Variants in ARHGEF26 observed in about 807,000 individuals in gnomAD.
ARHGEF26 encodes the protein Rho guanine nucleotide exchange factor 26.
ARHGEF26 carries 59 observed loss-of-function variants against 89.4 expected under a neutral mutation model. The ratio of observed to expected loss-of-function variants is 0.66; its 90% confidence interval spans 0.54 to 0.82. ARHGEF26 has a LOEUF of 0.82. Ranked by LOEUF, ARHGEF26 falls within the 40% of genes least tolerant of loss-of-function variation. The pLI, the probability that ARHGEF26 is intolerant of heterozygous loss-of-function variation, is 0.00. For synonymous variants in ARHGEF26, 500 were observed against 428.4 expected, an observed-to-expected ratio of 1.17 and a Z score of -2.06; for missense variants, 1,234 against 1,085.6, an observed-to-expected ratio of 1.14 and a Z score of -1.92.
At chr3:154,136,313 C>T (rs567254413) in intron 4 of ARHGEF26, among the ~76,000 whole-genome samples, 2 of 141,604 alleles carry the variant, frequency 1.4e-5, no homozygotes, top group African/African-American at 5.6e-5. Flanking sequence ...AATATTTTAA[C>T]TAAAGTATTT....
Position 154,122,049 on chromosome 3 carries a change from G to C in ARHGEF26, c.57G>C (p.Arg19=). Residue 19 remains arginine, a synonymous_variant, in exon 2 of 15, where the codon CGG becomes CGC. Transcript: ENST00000465093. Reference sequence around the variant, plus strand: ...GCAACAGCATAACCCCTTTGTGGCGGAGGCGGTCGATTCCTCAGCCCCACC... The same window carrying C: ...GCAACAGCATAACCCCTTTGTGGCGCAGGCGGTCGATTCCTCAGCCCCACC... ...FSSNSITPLW[R]RRSIPQPHQV... 1 of 1,611,686 alleles carries C rather than the reference G, an allele frequency of 6.2e-7. No homozygotes were observed. The highest frequency in any genetic ancestry group is 8.5e-7 in the Non-Finnish European group (1 of 1,178,184).
intron 11 of ARHGEF26, among the ~76,000 whole-genome samples, chr3:154,227,364 C>T (rs1716557448): frequency 6.7e-6 from 1 of 148,374 alleles, no homozygotes; most frequent in Non-Finnish European, 1.5e-5. Flanking sequence ...GGCGTGATCT[C>T]GGCTCACTGC....
chr3:154,161,216 T>G (rs1711644428), intron 6 of ARHGEF26, among the ~76,000 whole-genome samples: 1 of 152,078 alleles, frequency 6.6e-6, no homozygotes, highest in Admixed American at 6.6e-5. Context: ...TCATCTTTGT[T>G]AATGGATTTA....
Position 154,187,136 on chromosome 3 carries a change from C to T in ARHGEF26, c.1488-549C>T, listed in dbSNP as rs532675185. The T allele has an allele frequency of 4.9e-5, 31 of 636,666 alleles. No homozygotes were observed. The South Asian group carries it at 1.6e-3, about 32-fold the overall frequency. 39.4% of individuals were successfully genotyped at this position (636,666 alleles called of 1,614,324 possible). A position where few individuals can be genotyped will look rare whatever the true frequency, so the allele number is the denominator to read the frequency against. The stretch of plus-strand genomic sequence containing the variant: ...CGATCCCTTCAACTCATAATCCACC[C>T]GCTTCGGCCTCCCAGAGTGCTGGGA... On this transcript the variant is annotated intron_variant, in intron 6 of 14. Coordinates refer to ENST00000465093, the MANE Select transcript of ARHGEF26 (RefSeq NM_015595.4).
At chr3:154,165,912 T>C (rs1383573604) in intron 6 of ARHGEF26, among the ~76,000 whole-genome samples, 1 of 152,196 alleles carries the variant, frequency 6.6e-6, no homozygotes, top group Non-Finnish European at 1.5e-5. Flanking sequence ...TTTTAGAGAC[T>C]TAGCTTTGCA....
chr3:154,176,376 T>G (rs1345441015), intron 6 of ARHGEF26, among the ~76,000 whole-genome samples: 1 of 152,016 alleles, frequency 6.6e-6, no homozygotes, highest in Non-Finnish European at 1.5e-5. Context: ...TTTTGGTAGT[T>G]TTCACTGTAA....
chr3:154,124,908 T>C (rs1209944289), intron 3 of ARHGEF26, among the ~76,000 whole-genome samples: 3 of 152,108 alleles, frequency 2.0e-5, no homozygotes, highest in Non-Finnish European at 4.4e-5. Context: ...GGGGAAACTC[T>C]AACTCTCCTG....
intron 6 of ARHGEF26, among the ~76,000 whole-genome samples, chr3:154,154,022 A>G (rs567261331): frequency 1.3e-5 from 2 of 152,266 alleles, no homozygotes; most frequent in Admixed American, 1.3e-4. Context: ...CCATTAATTC[A>G]TTAAGGATTG....
chr3:154,125,113 C>T (rs538034817), intron 3 of ARHGEF26, among the ~76,000 whole-genome samples: 85 of 152,082 alleles, frequency 5.6e-4, no homozygotes, highest in African/African-American at 2.0e-3. Flanking sequence ...ACTTGTTGGG[C>T]TAGAGGGTCA....
At chr3:154,166,282 C>A (rs1014126396) in intron 6 of ARHGEF26, among the ~76,000 whole-genome samples, 13 of 152,144 alleles carry the variant, frequency 8.5e-5, no homozygotes, top group African/African-American at 3.1e-4. Flanking sequence ...GATCTCCTGA[C>A]CTCATGATCC....
intron 6 of ARHGEF26, among the ~76,000 whole-genome samples, chr3:154,174,124 A>G (rs1415044818): frequency 6.6e-6 from 1 of 152,176 alleles, no homozygotes; most frequent in Middle Eastern, 3.2e-3. Flanking sequence ...GCCAGGCCAT[A>G]TAGCTTAGTA....
At chr3:154,134,008 T>G (rs950438596) in intron 4 of ARHGEF26, among the ~76,000 whole-genome samples, 4 of 152,182 alleles carry the variant, frequency 2.6e-5, no homozygotes, top group African/African-American at 9.7e-5. Context: ...GTTGTTGGTG[T>G]ATAGAAATGC....
intron 12 of ARHGEF26, among the ~76,000 whole-genome samples, chr3:154,252,838 A>G (rs2108303602): frequency 6.6e-6 from 1 of 152,326 alleles, no homozygotes; most frequent in East Asian, 1.9e-4. Flanking sequence ...TGTTCGTGTA[A>G]TCAGCTCCTT....
intron 4 of ARHGEF26, among the ~76,000 whole-genome samples, chr3:154,141,206 C>T (rs1719359173): frequency 6.6e-6 from 1 of 152,052 alleles, no homozygotes; most frequent in Non-Finnish European, 1.5e-5. Flanking sequence ...ACCTCGTTTT[C>T]CGCCCGCCTC....
Position 154,191,424 on chromosome 3 carries a change from A to T in ARHGEF26, c.1770+6A>T, listed in dbSNP as rs1559888509. 3 of 1,611,524 alleles carry T rather than the reference A, an allele frequency of 1.9e-6. No individual in the cohort carries two copies. Among genetic ancestry groups the T allele is most frequent in the African/African-American group, 2.7e-5 (2 of 74,786 alleles). ...GCCTTCCCCTGCTGATGGATGTAAGACATGACGGTGGCTTTTTCCTCTGTG... is the reference window on the plus strand; with the variant it reads ...GCCTTCCCCTGCTGATGGATGTAAGTCATGACGGTGGCTTTTTCCTCTGTG... On this transcript the variant is annotated splice_donor_region_variant and intron_variant, in intron 8 of 14. Transcript: ENST00000465093.
intron 12 of ARHGEF26, among the ~76,000 whole-genome samples, chr3:154,250,962 T>TAGAG (rs10535573): frequency 5.4e-5 from 8 of 149,280 alleles, no homozygotes; most frequent in African/African-American, 9.9e-5. Context: ...TGTCCTGTAT[T>TAGAG]AGAGAGAGAG....
At chr3:154,228,402 G>T (rs1436784270) in intron 11 of ARHGEF26, among the ~76,000 whole-genome samples, 2 of 150,576 alleles carry the variant, frequency 1.3e-5, no homozygotes, top group African/African-American at 4.9e-5. Flanking sequence ...CTCCCAAAGT[G>T]CTGGAATTAG....
rs569549482 is a variant in ARHGEF26, at chr3:154,249,185, A to G, written c.2301-3931A>G. 3.3e-5 allele frequency among the ~76,000 whole-genome samples: 5 copies of G among 152,320 alleles called. No homozygotes were observed. The East Asian group carries it at 5.8e-4, about 18-fold the overall frequency. On this transcript the variant is annotated intron_variant, in intron 12 of 14. Coordinates refer to ENST00000465093, the MANE Select transcript of ARHGEF26 (RefSeq NM_015595.4). The stretch of plus-strand genomic sequence containing the variant: ...CTGTTAGTGATGGAGTCCTCAGCCA[A>G]TGTTCTGTTCTGTGCAGCCTCACCT...
intron 12 of ARHGEF26, among the ~76,000 whole-genome samples, chr3:154,250,966 GA>G (rs1283477793): frequency 6.8e-6 from 1 of 147,668 alleles, no homozygotes; most frequent in Non-Finnish European, 1.5e-5. Flanking sequence ...CTGTATTAGA[GA>G]GAGAGAGAGA....
Sources: allele counts gnomAD v4.1 joint callset (sites outside exome capture counted in the v4.1 genomes callset), GRCh38; gene constraint gnomAD v4.1.1; transcripts MANE v1.5; gene names NCBI Gene and HGNC (gene_info 2026-07-23, HGNC 2026-07-21).